The following MAP4K3 variants were observed in gnomAD, a reference collection of about 807,000 sequenced individuals.
MAP4K3 encodes MAPK/ERK kinase kinase kinase 3.
Under a neutral mutation model 143.5 loss-of-function variants are expected in MAP4K3, and 94 were observed. That is an observed-to-expected ratio of 0.65 (90% CI 0.55 to 0.78). The LOEUF (loss-of-function observed/expected upper bound fraction) is 0.78, where lower values mean the gene tolerates loss of function less well. MAP4K3 is among the 30% of genes least tolerant of loss of function. The probability of loss-of-function intolerance (pLI) is 0.00; values close to 1 mark genes in which losing one functional copy is unlikely to be tolerated. For synonymous variants in MAP4K3, 416 were observed against 347.2 expected (o/e 1.20, Z -2.20); for missense variants, 1,077 against 1,068.1 (o/e 1.01, Z -0.12).
At chr2:39,316,808 T>G (rs1375321288) in intron 12 of MAP4K3, among the ~76,000 whole-genome samples, 1 of 152,154 alleles carries the variant, frequency 6.6e-6, no homozygotes, top group Non-Finnish European at 1.5e-5. Context: ...CATCTGAACT[T>G]AAAAAGTTGC....
chr2:39,262,973 A>G (rs1680625927), intron 28 of MAP4K3, among the ~76,000 whole-genome samples: 1 of 151,736 alleles, frequency 6.6e-6, no homozygotes, highest in Non-Finnish European at 1.5e-5. Context: ...GGTGTCTGTA[A>G]TCCCAGCTAC....
chr2:39,309,012 A>G (rs183708302), intron 14 of MAP4K3, among the ~76,000 whole-genome samples: 1 of 152,338 alleles, frequency 6.6e-6, no homozygotes, highest in Non-Finnish European at 1.5e-5. Context: ...ACAGAATGGT[A>G]AAACAATTAA....
At chr2:39,434,138 CTTAT>C (rs1412725003) in intron 1 of MAP4K3, among the ~76,000 whole-genome samples, 3 of 152,184 alleles carry the variant, frequency 2.0e-5, no homozygotes, top group Admixed American at 6.5e-5. Context: ...AATCGGATCT[CTTAT>C]TTATTTAATC....
At chr2:39,334,134 T>C (rs954511314) in intron 6 of MAP4K3, among the ~76,000 whole-genome samples, 4 of 152,106 alleles carry the variant, frequency 2.6e-5, no homozygotes, top group Non-Finnish European at 5.9e-5. Flanking sequence ...GCCCATCCAG[T>C]ACATAAACAA....
intron 4 of MAP4K3, among the ~76,000 whole-genome samples, chr2:39,340,176 C>T (rs1428778229): frequency 6.6e-6 from 1 of 152,106 alleles, no homozygotes; most frequent in Non-Finnish European, 1.5e-5. Flanking sequence ...GGATATAATA[C>T]TCTCTCTATA....
At chr2:39,316,924 C>T (rs566100456) in intron 12 of MAP4K3, among the ~76,000 whole-genome samples, 2 of 151,850 alleles carry the variant, frequency 1.3e-5, no homozygotes, top group Non-Finnish European at 2.9e-5. Flanking sequence ...ATAAAATTCA[C>T]GTGGAATCAA....
intron 2 of MAP4K3, 118 bp downstream of exon 2, chr2:39,377,948 C>G (rs1666262759): frequency 2.9e-6 from 2 of 683,904 alleles, no homozygotes; most frequent in Non-Finnish European, 5.1e-6. Flanking sequence ...ACAAGCAGCT[C>G]TATTTATCCC....
At position 39,365,430 on chromosome 2, in the gene MAP4K3, A is replaced by ATT. The variant is rs151026787; in HGVS notation, c.155-9093_155-9092dup. On this transcript the variant is annotated intron_variant, in intron 2 of 33. Transcript: ENST00000263881. ...TTTATTTTTGGGTTACGCCATAGTAATTTTTTTTTTTTTTTTTTTTTTTTT... is the reference window on the plus strand; with the variant it reads ...TTTATTTTTGGGTTACGCCATAGTAATTTTTTTTTTTTTTTTTTTTTTTTTTT... 3.0e-3 allele frequency among the ~76,000 whole-genome samples: 265 copies of ATT among 87,974 alleles called. 2 individuals are homozygous for ATT. Among genetic ancestry groups the ATT allele is most frequent in the African/African-American group, 6.0e-3 (131 of 21,832 alleles). 57.7% of individuals were successfully genotyped at this position (87,974 alleles called of 152,430 possible).
At chr2:39,424,796 A>G (rs1665012501) in intron 1 of MAP4K3, among the ~76,000 whole-genome samples, 1 of 146,666 alleles carries the variant, frequency 6.8e-6, no homozygotes, top group Non-Finnish European at 1.5e-5. Context: ...GTGCCAGTGC[A>G]CACCAGCCTG....
intron 1 of MAP4K3, among the ~76,000 whole-genome samples, chr2:39,434,116 A>C (rs537105231): frequency 4.4e-4 from 67 of 152,344 alleles, no homozygotes; most frequent in African/African-American, 1.5e-3. Context: ...CCAACCTTCC[A>C]AGAATGACTA....
Position 39,250,564 on chromosome 2 carries a change from T to C in MAP4K3, c.*54A>G, listed in dbSNP as rs1680112498. ...GTACAGCTTCAAGCATCCATTAATG[T>C]TGCAGTGGTAGTGTTCTTTCTTTCT... On this transcript the variant is annotated 3_prime_UTR_variant, in exon 34 of 34. Transcript: ENST00000263881. 29 of 1,473,530 alleles carry C rather than the reference T, an allele frequency of 2.0e-5. No homozygotes were observed. The South Asian group carries it at 3.2e-4, about 16-fold the overall frequency. 91.3% of individuals were successfully genotyped at this position (1,473,530 alleles called of 1,614,324 possible).
At position 39,299,789 on chromosome 2, in the gene MAP4K3, C is replaced by T; in HGVS notation, c.1132G>A (p.Glu378Lys). 1.3e-6 allele frequency: 2 copies of T among 1,572,036 alleles called. No individual in the cohort carries two copies. Among genetic ancestry groups the T allele is most frequent in the Non-Finnish European group, 1.7e-6 (2 of 1,159,114 alleles). ...CCACCTTGGTGTCCTTGTCCATATTCCAGTTGCAGATCCTAATAGTACAAA... is the reference window on the plus strand; with the variant it reads ...CCACCTTGGTGTCCTTGTCCATATTTCAGTTGCAGATCCTAATAGTACAAA... ...TARSNLDLQL[E>K]YGQGHQGGYF... Residue 378 changes from glutamate to lysine, a missense_variant, in exon 16 of 34, where the codon GAA becomes AAA. Glu to Lys is a moderately conservative substitution (Grantham distance 56, BLOSUM62 1). Around this residue, in one of 2 missense-constraint regions of MAP4K3, gnomAD observed 864 missense variants for 801.2 expected, o/e 1.08. Transcript: ENST00000263881.
chr2:39,282,360 T>G (rs1681573816), intron 22 of MAP4K3, among the ~76,000 whole-genome samples, 153 bp downstream of exon 22: 1 of 152,158 alleles, frequency 6.6e-6, no homozygotes, highest in African/African-American at 2.4e-5. Flanking sequence ...TAGCGGGGCA[T>G]GGTGACACAT....
At chr2:39,274,888 C>A (rs949431535) in intron 24 of MAP4K3, among the ~76,000 whole-genome samples, 5 of 152,120 alleles carry the variant, frequency 3.3e-5, no homozygotes, top group Non-Finnish European at 7.4e-5. Context: ...TAAATCAGGA[C>A]CCTGATTAGT....
At chr2:39,369,205 G>GTTTTTTTTTTTTTTTTTTTTTTTTTTT (rs68013609) in intron 2 of MAP4K3, among the ~76,000 whole-genome samples, 65 of 125,318 alleles carry the variant, frequency 5.2e-4, no homozygotes, top group African/African-American at 1.1e-3. Flanking sequence ...TTTTTTTTTT[G>GTTTTTTTTTTTTTTTTTTTTTTTTTTT]TTTTTTTTGA....
At chr2:39,410,663 G>A (rs368743595) in intron 1 of MAP4K3, among the ~76,000 whole-genome samples, 2 of 152,036 alleles carry the variant, frequency 1.3e-5, no homozygotes, top group East Asian at 3.8e-4. Context: ...TTTTTAAAAA[G>A]GTCTTTGCAT....
intron 13 of MAP4K3, among the ~76,000 whole-genome samples, chr2:39,312,156 A>G (rs914311956): frequency 6.6e-6 from 1 of 152,248 alleles, no homozygotes; most frequent in Non-Finnish European, 1.5e-5. Context: ...CACTGCAGCT[A>G]AAGTATAAAC....
intron 12 of MAP4K3, among the ~76,000 whole-genome samples, chr2:39,320,986 T>A (rs952859187): frequency 1.3e-5 from 2 of 152,248 alleles, no homozygotes; most frequent in Admixed American, 1.3e-4. Context: ...ATATACAAAT[T>A]TAAAAGACTG....
chr2:39,271,738 C>T (rs1024549788), intron 26 of MAP4K3, among the ~76,000 whole-genome samples: 1 of 152,090 alleles, frequency 6.6e-6, no homozygotes, highest in Non-Finnish European at 1.5e-5. Context: ...ACCACAGGCT[C>T]GAGCCACCAT....
Sources: allele counts gnomAD v4.1 joint callset (sites outside exome capture counted in the v4.1 genomes callset), GRCh38; gene constraint gnomAD v4.1.1; regional missense constraint gnomAD v4.1.1; transcripts MANE v1.5; gene names NCBI Gene and HGNC (gene_info 2026-07-23, HGNC 2026-07-21).